Variants in TRIM42 observed in about 807,000 individuals in gnomAD.
TRIM42 encodes tripartite motif containing 42.
TRIM42 carries 59 observed loss-of-function variants against 64.9 expected under a neutral mutation model. The ratio of observed to expected loss-of-function variants is 0.91; its 90% confidence interval spans 0.74 to 1.13. TRIM42 has a LOEUF of 1.13. TRIM42 is among the 50% of genes most tolerant of loss of function. TRIM42 has a pLI of 0.00. For synonymous variants in TRIM42, 354 were observed against 346.3 expected, an observed-to-expected ratio of 1.02 and a Z score of -0.25; for missense variants, 878 against 929.5, an observed-to-expected ratio of 0.94 and a Z score of 0.72.
intron 1 of TRIM42, among the ~76,000 whole-genome samples, chr3:140,680,863 C>G (rs116422004): frequency 6.6e-6 from 1 of 152,190 alleles, no homozygotes; most frequent in East Asian, 1.9e-4. Context: ...TGTCAGGACT[C>G]AGACATAGGC....
Position 140,678,389 on chromosome 3 carries a change from C to T in TRIM42, c.160C>T (p.His54Tyr), listed in dbSNP as rs983672168. 32 of 1,614,044 alleles carry T rather than the reference C, an allele frequency of 2.0e-5. No individual in the cohort carries two copies. The African/African-American group carries it at 3.5e-4, about 18-fold the overall frequency. ...AGATGAGCGGAACTGCCAGTTCTGC[C>T]ACTGCACCTGTTCTGAGAGCCCCAA... Reference protein sequence around the residue: ...YKDERNCQFCHCTCSESPNCH... With the variant: ...YKDERNCQFCYCTCSESPNCH... The change falls in exon 1 of 5, where the codon CAC (histidine) becomes TAC (tyrosine). Residue 54 changes from histidine (H) to tyrosine (Y), a missense_variant. Physicochemically the swap from His to Tyr is moderately conservative, Grantham distance 83. Coordinates refer to ENST00000286349, the MANE Select transcript of TRIM42 (RefSeq NM_152616.5).
At chr3:140,690,531 GTATATATATATATATATATATA>G (rs56969249) in intron 3 of TRIM42, among the ~76,000 whole-genome samples, 8,278 of 104,068 alleles carry the variant, frequency 0.08, 539 homozygotes, top group African/African-American at 0.17. Flanking sequence ...AAGTTTTTAT[GTATATATATATATATATATATA>G]TATATATATA....
intron 1 of TRIM42, 46 bp downstream of exon 1, chr3:140,678,616 C>T (rs1185422606): frequency 6.6e-7 from 1 of 1,504,424 alleles, no homozygotes; most frequent in Admixed American, 1.9e-5. Context: ...GTCATGAAAA[C>T]TAGGGACCAC....
chr3:140,684,729 A>G (rs1576416920), intron 2 of TRIM42, among the ~76,000 whole-genome samples: 1 of 152,210 alleles, frequency 6.6e-6, no homozygotes, highest in African/African-American at 2.4e-5. Context: ...CAGGAACCAC[A>G]TTACCAAGAA....
At chr3:140,683,571 C>T (rs1988474352) in intron 2 of TRIM42, among the ~76,000 whole-genome samples, 2 of 152,096 alleles carry the variant, frequency 1.3e-5, no homozygotes, top group South Asian at 2.1e-4. Context: ...AGTATACTGA[C>T]GTTCTGTGAC....
Position 140,678,332 on chromosome 3 carries a change from C to T in TRIM42, c.103C>T (p.Arg35Trp), listed in dbSNP as rs761016638. 1.1e-5 allele frequency: 18 copies of T among 1,614,062 alleles called. No homozygotes were observed. The highest frequency in any genetic ancestry group is 1.4e-5 in the Non-Finnish European group (17 of 1,180,028). ...LCCKFIFTSE[R>W]NCTCFPCPYK... Reference sequence around the variant, plus strand: ...CTGCAAGTTCATCTTCACCTCAGAGCGGAACTGCACCTGCTTCCCCTGCCC... The same window carrying T: ...CTGCAAGTTCATCTTCACCTCAGAGTGGAACTGCACCTGCTTCCCCTGCCC... Residue 35 changes from arginine (R) to tryptophan (W), a missense_variant, in exon 1 of 5, where the codon CGG becomes TGG. Arg to Trp is a moderately radical substitution (Grantham distance 101). Transcript: ENST00000286349.
chr3:140,678,181 G>C lies in TRIM42; in HGVS notation c.-49G>C. On this transcript the variant is annotated 5_prime_UTR_variant, in exon 1 of 5. Transcript: ENST00000286349. ...GAGAACTGATAGCAGTATTCTGGTA[G>C]AGGAGGCATCAAGAGTCCTGGGAGG... 1 of 1,495,032 alleles carries C rather than the reference G, an allele frequency of 6.7e-7. No individual in the cohort carries two copies. The highest frequency in any genetic ancestry group is 9.2e-7 in the Non-Finnish European group (1 of 1,081,262). 92.6% of individuals were successfully genotyped at this position (1,495,032 alleles called of 1,614,324 possible). A position where few individuals can be genotyped will look rare whatever the true frequency, so the allele number is the denominator to read the frequency against.
In TRIM42 at chr3:140,687,839, T is replaced by C. The variant is rs1988587785; in HGVS notation, c.1157T>C (p.Ile386Thr). 1.2e-6 allele frequency: 2 copies of C among 1,614,100 alleles called. No individual in the cohort carries two copies. Among genetic ancestry groups the C allele is most frequent in the African/African-American group, 2.7e-5 (2 of 74,936 alleles). ...IRNGFLKLRS[I>T]LQEKEKIIME... The stretch of plus-strand genomic sequence containing the variant: ...AATGGCTTTCTCAAGTTGCGCAGCA[T>C]TCTTCAGGAGAAAGAGAAGATCATC... Residue 386 changes from isoleucine to threonine, a missense_variant, in exon 3 of 5, where the codon ATT becomes ACT. Coordinates refer to ENST00000286349, the MANE Select transcript of TRIM42 (RefSeq NM_152616.5).
chr3:140,697,050 T>C (rs1576422385), intron 4 of TRIM42, among the ~76,000 whole-genome samples: 1 of 152,202 alleles, frequency 6.6e-6, no homozygotes, highest in South Asian at 2.1e-4. Flanking sequence ...TTTAGCAAGA[T>C]CCAGTTTTCT....
At position 140,684,700 on chromosome 3, in the gene TRIM42, T is replaced by A. The variant is rs566934679; in HGVS notation, c.1039+1541T>A. ...TTTGGAACCACCACCAGGGAAGACT[T>A]CATATTAAAGGAACCCTGCAGGAAC... On this transcript the variant is annotated intron_variant, in intron 2 of 4. Coordinates refer to ENST00000286349, the MANE Select transcript of TRIM42 (RefSeq NM_152616.5). Among the ~76,000 whole-genome samples, 8 of 152,156 alleles carry A rather than the reference T, an allele frequency of 5.3e-5. No individual in the cohort carries two copies. In the South Asian group the frequency reaches 6.2e-4, roughly 12 times the overall value.
In TRIM42 at chr3:140,687,706, C is replaced by G. The variant is rs76809153; in HGVS notation, c.1040-16C>G. 6 of 1,581,392 alleles carry G rather than the reference C, an allele frequency of 3.8e-6. No individual in the cohort carries two copies. Among genetic ancestry groups the G allele is most frequent in the Middle Eastern group, 1.7e-4 (1 of 5,928 alleles). On this transcript the variant is annotated splice_polypyrimidine_tract_variant and intron_variant, in intron 2 of 4. Transcript: ENST00000286349. ...AGATGAAAATTTTAAAAGTAACTAA[C>G]TTGGCATTTTTGCAGTCCGATATGA... is the stretch of plus-strand genomic sequence containing the variant.
At chr3:140,700,411 A>T (rs1988968028) in intron 4 of TRIM42, among the ~76,000 whole-genome samples, 1 of 152,208 alleles carries the variant, frequency 6.6e-6, no homozygotes, top group Non-Finnish European at 1.5e-5. Context: ...CTTTTCCATA[A>T]CTAGTGTTGG....
chr3:140,687,058 C>T (rs1988561263), intron 2 of TRIM42, among the ~76,000 whole-genome samples: 1 of 152,066 alleles, frequency 6.6e-6, no homozygotes, highest in Non-Finnish European at 1.5e-5. Context: ...AATCCAAATG[C>T]CATATGAGGG....
intron 4 of TRIM42, among the ~76,000 whole-genome samples, chr3:140,691,788 C>A (rs533569451): frequency 3.9e-5 from 6 of 152,212 alleles, no homozygotes; most frequent in Admixed American, 2.0e-4. Context: ...TCTTTGTGAT[C>A]CAAGACTTAC....
chr3:140,697,045 C>T (rs1988870785), intron 4 of TRIM42, among the ~76,000 whole-genome samples: 2 of 152,202 alleles, frequency 1.3e-5, no homozygotes, highest in Non-Finnish European at 2.9e-5. Flanking sequence ...CTACATTTAG[C>T]AAGATCCAGT....
Position 140,700,886 on chromosome 3 carries a change from AG to A in TRIM42, c.2086del. ...GTCATGACTCTTCGCTTCTGATTGC[AG>A]GTGGTAACACCAGATGGACATGGGA... On this transcript the variant is annotated splice_acceptor_variant, in intron 4 of 4. Transcript: ENST00000286349. LOFTEE classifies it high-confidence loss of function. The A allele has an allele frequency of 6.2e-7, 1 of 1,613,964 alleles. No homozygotes were observed. The highest frequency in any genetic ancestry group is 8.5e-7 in the Non-Finnish European group (1 of 1,179,850).
chr3:140,679,161 C>T (rs1283560060), intron 1 of TRIM42, among the ~76,000 whole-genome samples: 1 of 152,030 alleles, frequency 6.6e-6, no homozygotes, highest in African/African-American at 2.4e-5. Context: ...CTCTTAATAC[C>T]TGTAACTTTT....
chr3:140,697,906 A>G (rs1988897352), intron 4 of TRIM42, among the ~76,000 whole-genome samples: 1 of 152,154 alleles, frequency 6.6e-6, no homozygotes, highest in Middle Eastern at 3.4e-3. Flanking sequence ...TATGGTCTCT[A>G]TCTCCTGACC....
At chr3:140,692,765 G>C (rs147301167) in intron 4 of TRIM42, among the ~76,000 whole-genome samples, 1 of 152,252 alleles carries the variant, frequency 6.6e-6, no homozygotes, top group East Asian at 1.9e-4. Context: ...CATGTCTCTT[G>C]ACTATGGATT....
Sources: allele counts gnomAD v4.1 joint callset (sites outside exome capture counted in the v4.1 genomes callset), GRCh38; gene constraint gnomAD v4.1.1; transcripts MANE v1.5; gene names NCBI Gene and HGNC (gene_info 2026-07-23, HGNC 2026-07-21).